Variants in ZFHX3 observed in about 807,000 individuals in gnomAD.
ZFHX3 encodes zinc finger homeobox protein 3.
A neutral mutation model predicts 279.1 loss-of-function variants in ZFHX3; 42 were observed. The ratio of observed to expected loss-of-function variants is 0.15; its 90% confidence interval spans 0.12 to 0.19. The LOEUF is 0.19. Ranked by LOEUF, ZFHX3 falls within the 10% of genes least tolerant of loss-of-function variation. The probability of loss-of-function intolerance (pLI) is 1.00; values close to 1 mark genes in which losing one functional copy is unlikely to be tolerated. For missense variants in ZFHX3, 4,981 were observed against 4,754.0 expected, an observed-to-expected ratio of 1.05 and a Z score of -1.40; for synonymous variants, 2,293 against 1,957.8, an observed-to-expected ratio of 1.17 and a Z score of -4.52.
intron 3 of ZFHX3, among the ~76,000 whole-genome samples, chr16:73,436,056 G>C (rs554402639): frequency 6.6e-6 from 1 of 152,240 alleles, no homozygotes; most frequent in Non-Finnish European, 1.5e-5. Flanking sequence ...GTAGCCCGGC[G>C]CGGTGGCTCA....
At chr16:73,280,776 G>T (rs1053730830) in intron 4 of ZFHX3, among the ~76,000 whole-genome samples, 30 of 151,988 alleles carry the variant, frequency 2.0e-4, no homozygotes, top group Non-Finnish European at 5.9e-5. Context: ...GAGGTTGGGA[G>T]TTCAAGACCA....
intron 3 of ZFHX3, among the ~76,000 whole-genome samples, chr16:73,398,090 C>T (rs1429781744): frequency 3.9e-5 from 6 of 152,180 alleles, no homozygotes; most frequent in Non-Finnish European, 8.8e-5. Context: ...GGTGATCCAC[C>T]CACCTAGGCC....
At chr16:73,450,904 G>A (rs2018272578) in intron 3 of ZFHX3, among the ~76,000 whole-genome samples, 1 of 152,100 alleles carries the variant, frequency 6.6e-6, no homozygotes, top group African/African-American at 2.4e-5. Flanking sequence ...TTTCTTGGCT[G>A]CTTTAGCTTT....
At chr16:72,900,127 T>C (rs1318684535) in intron 3 of ZFHX3, among the ~76,000 whole-genome samples, 1 of 99,674 alleles carries the variant, frequency 1.0e-5, no homozygotes, top group Non-Finnish European at 1.8e-5. Context: ...CTTAAGCCCA[T>C]GCCCTTGCCA....
chr16:72,924,787 G>A (rs533610546), intron 3 of ZFHX3, among the ~76,000 whole-genome samples: 12 of 152,154 alleles, frequency 7.9e-5, no homozygotes, highest in Non-Finnish European at 1.3e-4. Flanking sequence ...AACCCTTCTC[G>A]TTCACTCTCG....
chr16:73,304,620 C>A (rs2015137304), intron 4 of ZFHX3, among the ~76,000 whole-genome samples: 1 of 152,296 alleles, frequency 6.6e-6, no homozygotes, highest in African/African-American at 2.4e-5. Context: ...AGCATCCCTG[C>A]CCCCTTCCTC....
At chr16:73,740,318 A>C (rs16972438) in intron 1 of ZFHX3, among the ~76,000 whole-genome samples, 2,043 of 152,198 alleles carry the variant, frequency 0.013, 56 homozygotes, top group African/African-American at 0.046. Context: ...AAAGTGACTG[A>C]GCAGATACGA....
chr16:73,840,643 C>T (rs1961279163), intron 1 of ZFHX3, among the ~76,000 whole-genome samples: 1 of 152,190 alleles, frequency 6.6e-6, no homozygotes, highest in Admixed American at 6.5e-5. Context: ...TTGTCCATAG[C>T]ACCTAAAGAG....
intron 8 of ZFHX3, among the ~76,000 whole-genome samples, chr16:73,064,840 C>T (rs1051967467): frequency 3.3e-5 from 5 of 152,232 alleles, no homozygotes; most frequent in Non-Finnish European, 5.9e-5. Context: ...AGGCGCGGAG[C>T]CGGTGGCTCT....
intron 1 of ZFHX3, among the ~76,000 whole-genome samples, chr16:73,886,846 C>A (rs912883069): frequency 3.9e-5 from 6 of 152,308 alleles, no homozygotes; most frequent in South Asian, 2.1e-4. Context: ...TCCTTAGCAA[C>A]TGGGTTAGGT....
chr16:73,393,844 A>G (rs1222314804), intron 3 of ZFHX3, among the ~76,000 whole-genome samples: 4 of 150,574 alleles, frequency 2.7e-5, no homozygotes, highest in Non-Finnish European at 5.9e-5. Flanking sequence ...TTCTACCTGT[A>G]TGCCAACACT....
chr16:73,683,222 CT>C (rs1254277952), intron 1 of ZFHX3, among the ~76,000 whole-genome samples: 1 of 152,152 alleles, frequency 6.6e-6, no homozygotes, highest in Non-Finnish European at 1.5e-5. Context: ...TACCACAAGT[CT>C]TGTGAAATAG....
At chr16:73,341,588 A>T (rs1328722740) in intron 3 of ZFHX3, among the ~76,000 whole-genome samples, 2 of 152,234 alleles carry the variant, frequency 1.3e-5, no homozygotes, top group African/African-American at 4.8e-5. Context: ...CCCAGGAGAA[A>T]TGAAAACATC....
At chr16:73,321,771 A>G (rs577924234) in intron 3 of ZFHX3, among the ~76,000 whole-genome samples, 133 of 152,266 alleles carry the variant, frequency 8.7e-4, no homozygotes, top group African/African-American at 3.1e-3. Flanking sequence ...CTGACAAAAC[A>G]CCAGCTTTGT....
Position 73,112,914 on chromosome 16 carries a change from C to T in ZFHX3, c.-897+18054G>A, listed in dbSNP as rs139512346. On this transcript the variant is annotated intron_variant, in intron 7 of 17. Transcript: ENST00000641206. ...TGCACAGCCCCATCGGAGCCAGGCC[C>T]GCCCTGGAGTTATCCTGCACACTTT... Among the ~76,000 whole-genome samples, 17 of 151,980 alleles carry T rather than the reference C, an allele frequency of 1.1e-4. 1 individual carries two copies. Among genetic ancestry groups the T allele is most frequent in the East Asian group, 5.8e-4 (3 of 5,148 alleles).
At chr16:73,860,477 T>A (rs1435481453) in intron 1 of ZFHX3, among the ~76,000 whole-genome samples, 3 of 152,102 alleles carry the variant, frequency 2.0e-5, no homozygotes, top group Non-Finnish European at 4.4e-5. Flanking sequence ...TCAAACCAGT[T>A]GTAAGATTCA....
At position 73,469,623 on chromosome 16, in the gene ZFHX3, A is replaced by ATT. The variant is rs199659909; in HGVS notation, c.-1546-13366_-1546-13365insAA. Among the ~76,000 whole-genome samples the ATT allele has an allele frequency of 3.8e-3, 572 of 149,492 alleles. 3 individuals are homozygous for ATT. The highest frequency in any genetic ancestry group is 0.013 in the African/African-American group (525 of 40,492). On this transcript the variant is annotated intron_variant, in intron 2 of 17. Transcript: ENST00000641206. ...CCTAGTCCCAACCTCCAATATATAT[A>ATT]TATATTTTTTTTGAGACAGAATCTC...
chr16:73,813,139 A>T lies in ZFHX3; in HGVS notation c.-1608+78512T>A, dbSNP rs562710770. On this transcript the variant is annotated intron_variant, in intron 1 of 17. Transcript: ENST00000641206. The stretch of plus-strand genomic sequence containing the variant: ...AGCTACCACACTAGGAATAAGTAAC[A>T]CCTTTCTCAGAGCTAACTGATCCCT... Among the ~76,000 whole-genome samples the T allele has an allele frequency of 5.1e-4, 78 of 152,104 alleles. 1 individual carries two copies. In the South Asian group the frequency reaches 0.015, roughly 28 times the overall value.
chr16:72,795,746 C>T lies in ZFHX3; in HGVS notation c.6936G>A (p.Arg2312=), dbSNP rs774727765. The change falls in exon 9 of 10, where the codon CGG becomes CGA. Residue 2312 remains arginine, a synonymous_variant. Transcript: ENST00000268489. ...ENQGEGKDGE[R]RELTNDRYIR... The stretch of plus-strand genomic sequence containing the variant: ...TGTATCTATCATTTGTAAGCTCACG[C>T]CGCTCTCCATCTTTGCCCTCTCCCT... 1 of 1,614,200 alleles carries T rather than the reference C, an allele frequency of 6.2e-7. No homozygotes were observed. Among genetic ancestry groups the T allele is most frequent in the Non-Finnish European group, 8.5e-7 (1 of 1,180,048 alleles).
Sources: gnomAD v4.1 joint callset for allele counts (sites outside exome capture counted in the v4.1 genomes callset) on GRCh38, gnomAD v4.1.1 for gene constraint, MANE v1.5 for transcripts, NCBI Gene and HGNC (gene_info 2026-07-23, HGNC 2026-07-21) for gene names.